Variants in NR2E1 observed in about 807,000 individuals in gnomAD.
NR2E1 encodes the protein nuclear receptor subfamily 2 group E member 1, also known as nuclear receptor TLX.
In NR2E1, 5 loss-of-function variants were observed where a neutral mutation model predicts 43.6. The observed-to-expected ratio is 0.11, with a 90% CI of 0.06 to 0.24. NR2E1 has a LOEUF of 0.24. NR2E1 is among the 10% of genes least tolerant of loss of function. NR2E1 has a pLI of 1.00. For synonymous variants in NR2E1, 191 were observed against 195.5 expected (o/e 0.98, Z 0.19); for missense variants, 287 against 496.7 (o/e 0.58, Z 4.01).
At chr6:108,173,573 C>G (rs758454649) in intron 2 of NR2E1, among the ~76,000 whole-genome samples, 1 of 152,088 alleles carries the variant, frequency 6.6e-6, no homozygotes, top group Non-Finnish European at 1.5e-5. Flanking sequence ...AAACTGCATT[C>G]GAATGTGTAA....
At chr6:108,181,782 ATCCATG>A in intron 8 of NR2E1, 131 bp downstream of exon 8, 1 of 747,606 alleles carries the variant, frequency 1.3e-6, no homozygotes, top group Non-Finnish European at 2.4e-6. Context: ...TTTAGGGAGA[ATCCATG>A]TCCTTACCTA....
intron 8 of NR2E1, among the ~76,000 whole-genome samples, chr6:108,182,178 C>T (rs1461868802): frequency 6.8e-6 from 1 of 146,118 alleles, no homozygotes. Flanking sequence ...GGAGGTGGAA[C>T]TTGCAGTGAG....
chr6:108,187,403 C>T lies in NR2E1; in HGVS notation c.1098C>T (p.Thr366=), dbSNP rs770448754. The T allele has an allele frequency of 6.2e-7, 1 of 1,614,124 alleles. No individual in the cohort carries two copies. Among genetic ancestry groups the T allele is most frequent in the South Asian group, 1.1e-5 (1 of 91,076 alleles). ...TAGAAGAAGTGTTTTTCAAAAAAACCATCGGCAATGTGCCAATTACAAGAC... is the reference window on the plus strand; with the variant it reads ...TAGAAGAAGTGTTTTTCAAAAAAACTATCGGCAATGTGCCAATTACAAGAC... ...STIEEVFFKK[T]IGNVPITRLL... The change falls in exon 9 of 9, where the codon ACC becomes ACT. Residue 366 remains threonine (T), a synonymous_variant. Coordinates refer to ENST00000368986, the MANE Select transcript of NR2E1 (RefSeq NM_003269.5).
intron 8 of NR2E1, among the ~76,000 whole-genome samples, chr6:108,182,107 T>C (rs1773999872): frequency 6.6e-6 from 1 of 151,940 alleles, no homozygotes; most frequent in South Asian, 2.1e-4. Context: ...GGTGTGGTGG[T>C]GGGCACCTGT....
At position 108,180,628 on chromosome 6, in the gene NR2E1, G is replaced by T. The variant is rs1159268931; in HGVS notation, c.740-179G>T. Among the ~76,000 whole-genome samples, 3 of 152,126 alleles carry T rather than the reference G, an allele frequency of 2.0e-5. No homozygotes were observed. Among genetic ancestry groups the T allele is most frequent in the Non-Finnish European group, 4.4e-5 (3 of 68,030 alleles). On this transcript the variant is annotated intron_variant, in intron 6 of 8. Coordinates refer to ENST00000368986, the MANE Select transcript of NR2E1 (RefSeq NM_003269.5). This position sits in a 1 kb window ranked among gnomAD's most constrained non-coding sequence, Gnocchi z 5.4. ...TATTTAAATGCAAATTACTGTGTTTGTTATCATCCAAGAGAAGATTTTATA... is the reference window on the plus strand; with the variant it reads ...TATTTAAATGCAAATTACTGTGTTTTTTATCATCCAAGAGAAGATTTTATA...
Position 108,171,671 on chromosome 6 carries a change from G to A in NR2E1, c.171+68G>A, listed in dbSNP as rs1773814538. On this transcript the variant is annotated intron_variant, in intron 2 of 8. Coordinates refer to ENST00000368986, the MANE Select transcript of NR2E1 (RefSeq NM_003269.5). ...CTCCTCACTCTTTTGTTTGTGCCAA[G>A]GCCTCCTCTGAGTTTCCACGCAGTT... is the stretch of plus-strand genomic sequence containing the variant. 3 of 1,599,392 alleles carry A rather than the reference G, an allele frequency of 1.9e-6. No homozygotes were observed. The Admixed American group carries it at 5.0e-5, about 27-fold the overall frequency.
In NR2E1 at chr6:108,171,534, C is replaced by T. The variant is rs1474326992; in HGVS notation, c.102C>T (p.Asp34=). 3 of 1,614,078 alleles carry T rather than the reference C, an allele frequency of 1.9e-6. No homozygotes were observed. The highest frequency in any genetic ancestry group is 4.5e-5 in the East Asian group (2 of 44,872). ...SGKHYGVYAC[D]GCSGFFKRSI... Reference sequence around the variant, plus strand: ...AGCACTACGGGGTCTACGCCTGCGACGGCTGCTCAGGTTTTTTCAAACGGA... The same window carrying T: ...AGCACTACGGGGTCTACGCCTGCGATGGCTGCTCAGGTTTTTTCAAACGGA... The change falls in exon 2 of 9, where the codon GAC becomes GAT. Residue 34 remains aspartate, a synonymous_variant. Coordinates refer to ENST00000368986, the MANE Select transcript of NR2E1 (RefSeq NM_003269.5).
At chr6:108,182,329 ACTTT>A (rs1774006214) in intron 8 of NR2E1, among the ~76,000 whole-genome samples, 1 of 151,738 alleles carries the variant, frequency 6.6e-6, no homozygotes, top group Admixed American at 6.6e-5. Flanking sequence ...AACACAGGTG[ACTTT>A]CTTCAGATGC....
intron 2 of NR2E1, among the ~76,000 whole-genome samples, chr6:108,174,039 C>T (rs17069329): frequency 6.6e-6 from 1 of 152,152 alleles, no homozygotes; most frequent in Non-Finnish European, 1.5e-5. Context: ...ATCACATTAC[C>T]TTCCTGGTCC....
intron 8 of NR2E1, among the ~76,000 whole-genome samples, chr6:108,185,297 T>C (rs1205427893): frequency 6.6e-6 from 1 of 151,800 alleles, no homozygotes; most frequent in Non-Finnish European, 1.5e-5. Context: ...TAAAAGAAAA[T>C]CCAATTATTG....
At position 108,187,544 on chromosome 6, in the gene NR2E1, C is replaced by A. The variant is rs1774094762; in HGVS notation, c.*81C>A. 2.7e-6 allele frequency: 4 copies of A among 1,470,044 alleles called. No individual in the cohort carries two copies. The South Asian group carries it at 3.4e-5, about 13-fold the overall frequency. The allele number at this position is 1,470,044 out of a possible 1,614,324, so 91.1% of individuals were successfully genotyped here. A position where few individuals can be genotyped will look rare whatever the true frequency, so the allele number is the denominator to read the frequency against. ...TGGAGAACAAGCCTCAACTAACAAA[C>A]CCTTCAGGAAGCATATACCGGGGAA... On this transcript the variant is annotated 3_prime_UTR_variant, in exon 9 of 9. Transcript: ENST00000368986.
chr6:108,176,220 C>G, intron 3 of NR2E1: 1 of 522,530 alleles, frequency 1.9e-6, no homozygotes, highest in Non-Finnish European at 3.4e-6. Flanking sequence ...AGCCCTGGAC[C>G]GAAGGAGAAC....
At chr6:108,171,624 C>A (rs560309420) in intron 2 of NR2E1, 21 bp downstream of exon 2, 1 of 1,613,752 alleles carries the variant, frequency 6.2e-7, no homozygotes, top group South Asian at 1.1e-5. Context: ...CAGGGCTGCA[C>A]TGCTGGGCTC....
intron 2 of NR2E1, among the ~76,000 whole-genome samples, chr6:108,174,466 T>C (rs926536458): frequency 6.6e-6 from 1 of 152,118 alleles, no homozygotes; most frequent in Admixed American, 6.5e-5. Context: ...TCTTCGGTCC[T>C]GAAGTCTCGT....
At position 108,188,271 on chromosome 6, in the gene NR2E1, G is replaced by C. The variant is rs1437347673; in HGVS notation, c.*808G>C. 3 of 152,222 alleles carry C rather than the reference G, an allele frequency of 2.0e-5. No individual in the cohort carries two copies. Among genetic ancestry groups the C allele is most frequent in the Non-Finnish European group, 4.4e-5 (3 of 68,080 alleles). The allele number at this position is 152,222 out of a possible 1,614,324, so 9.4% of individuals were successfully genotyped here. On this transcript the variant is annotated 3_prime_UTR_variant, in exon 9 of 9. Transcript: ENST00000368986. Reference sequence around the variant, plus strand: ...CCAAATAAAGTGGAGATGAGTGATTGAGTGAGGTAGATTGCTGTCCCGTTA... The same window carrying C: ...CCAAATAAAGTGGAGATGAGTGATTCAGTGAGGTAGATTGCTGTCCCGTTA...
At chr6:108,178,001 C>A in intron 4 of NR2E1, 94 bp from the exon 5 acceptor site, 1 of 1,363,502 alleles carries the variant, frequency 7.3e-7, no homozygotes. Flanking sequence ...TTTTTTATCC[C>A]CTTCCTTGCT....
intron 1 of NR2E1, among the ~76,000 whole-genome samples, chr6:108,171,071 C>A (rs1327296305): frequency 1.3e-5 from 2 of 152,150 alleles, no homozygotes; most frequent in African/African-American, 4.8e-5. Flanking sequence ...CTCGCGCGCT[C>A]ACTAACAACT....
chr6:108,187,227 G>A, intron 8 of NR2E1, 74 bp from the exon 9 acceptor site: 1 of 1,497,942 alleles, frequency 6.7e-7, no homozygotes, highest in Non-Finnish European at 9.3e-7. Flanking sequence ...GAGATGATGT[G>A]TGTTCAAGTG....
intron 1 of NR2E1, among the ~76,000 whole-genome samples, chr6:108,167,141 A>G (rs746262924): frequency 1.1e-4 from 16 of 152,082 alleles, no homozygotes; most frequent in Non-Finnish European, 2.2e-4. Context: ...CGGTAGCACA[A>G]TAACACACTC....
Sources: gnomAD v4.1 joint callset for allele counts (sites outside exome capture counted in the v4.1 genomes callset) on GRCh38, gnomAD v4.1.1 for gene constraint, Gnocchi (gnomAD v3.1) non-coding constraint, MANE v1.5 for transcripts, NCBI Gene and HGNC (gene_info 2026-07-23, HGNC 2026-07-21) for gene names.